RIMS2: variants seen among roughly 807,000 people sequenced by gnomAD.
RIMS2 encodes the protein regulating synaptic membrane exocytosis protein 2.
RIMS2 carries 59 observed loss-of-function variants against 174.4 expected under a neutral mutation model. The ratio of observed to expected loss-of-function variants is 0.34; its 90% CI spans 0.27 to 0.42. RIMS2 has a LOEUF of 0.42. RIMS2 is among the 10% of genes least tolerant of loss of function. The pLI, the probability that RIMS2 is intolerant of heterozygous loss-of-function variation, is 1.00. For missense variants in RIMS2, 1,620 were observed against 1,666.3 expected (o/e 0.97, Z 0.48); for synonymous variants, 606 against 572.5 (o/e 1.06, Z -0.84).
chr8:103,852,557 C>T (rs986466715), intron 3 of RIMS2, among the ~76,000 whole-genome samples: 1 of 151,682 alleles, frequency 6.6e-6, no homozygotes. Flanking sequence ...ACCTCGCTCT[C>T]TCCCTCCCGC....
chr8:104,126,596 T>C (rs1216379647), intron 19 of RIMS2, among the ~76,000 whole-genome samples: 2 of 152,114 alleles, frequency 1.3e-5, no homozygotes, highest in Non-Finnish European at 1.5e-5. Context: ...AACAGCAAAA[T>C]AGGAACAATT....
intron 19 of RIMS2, among the ~76,000 whole-genome samples, chr8:104,117,187 A>C (rs2098291903): frequency 6.6e-6 from 1 of 152,084 alleles, no homozygotes; most frequent in African/African-American, 2.4e-5. Flanking sequence ...CCATCTCAAA[A>C]TAAAACAAAA....
At chr8:103,652,134 T>C in intron 1 of RIMS2, 71 bp from the exon 2 acceptor site, 1 of 793,512 alleles carries the variant, frequency 1.3e-6, no homozygotes, top group East Asian at 5.6e-5. Flanking sequence ...CCATTTTATA[T>C]GAACACAAAT....
At chr8:103,558,901 T>C (rs898277508) in intron 1 of RIMS2, among the ~76,000 whole-genome samples, 2 of 152,146 alleles carry the variant, frequency 1.3e-5, no homozygotes, top group Admixed American at 6.6e-5. Flanking sequence ...CCTTCTCTGT[T>C]ACAAATTCTT....
At chr8:103,923,280 C>T (rs1040231037) in intron 10 of RIMS2, among the ~76,000 whole-genome samples, 2 of 151,016 alleles carry the variant, frequency 1.3e-5, no homozygotes, top group African/African-American at 2.4e-5. Flanking sequence ...TGTGTGCGTG[C>T]GTGTCTGTCT....
intron 1 of RIMS2, among the ~76,000 whole-genome samples, chr8:103,586,783 G>A (rs560573193): frequency 6.6e-6 from 1 of 151,884 alleles, no homozygotes; most frequent in African/African-American, 2.4e-5. Flanking sequence ...CAACACAAAA[G>A]ATCAGTGAAA....
chr8:103,738,925 T>C (rs903059530), intron 2 of RIMS2, among the ~76,000 whole-genome samples: 48 of 152,088 alleles, frequency 3.2e-4, no homozygotes, highest in Non-Finnish European at 1.5e-4. Flanking sequence ...TTTTACACTG[T>C]TGGTGGGACT....
chr8:103,735,910 A>G (rs760222066), intron 2 of RIMS2, among the ~76,000 whole-genome samples: 5 of 152,140 alleles, frequency 3.3e-5, no homozygotes, highest in Non-Finnish European at 7.4e-5. Context: ...TGAGTTTTAA[A>G]TACCCTGGCT....
chr8:104,177,195 T>C (rs1468428719), intron 19 of RIMS2, among the ~76,000 whole-genome samples: 2 of 152,160 alleles, frequency 1.3e-5, no homozygotes, highest in Non-Finnish European at 1.5e-5. Context: ...ATTTTGTGGA[T>C]GTGAAACTGA....
At chr8:103,989,461 T>C (rs367728479) in intron 17 of RIMS2, 40 bp downstream of exon 19, 37 of 1,029,420 alleles carry the variant, frequency 3.6e-5, no homozygotes, top group Admixed American at 8.0e-5. Context: ...ATTATTAATA[T>C]AATCACTGCT....
At chr8:103,684,328 AT>A (rs2096913642) in intron 1 of RIMS2, among the ~76,000 whole-genome samples, 1 of 152,192 alleles carries the variant, frequency 6.6e-6, no homozygotes, top group Admixed American at 6.6e-5. Context: ...AGCCAGTTCT[AT>A]CCCACTGCCT....
At chr8:104,053,839 A>T (rs1466772005) in intron 19 of RIMS2, among the ~76,000 whole-genome samples, 4 of 152,112 alleles carry the variant, frequency 2.6e-5, no homozygotes, top group African/African-American at 9.7e-5. Context: ...GGATATAGAA[A>T]CTTTAAAGCC....
chr8:104,115,505 G>T (rs1403131416), intron 19 of RIMS2, among the ~76,000 whole-genome samples: 7 of 152,062 alleles, frequency 4.6e-5, no homozygotes, highest in Non-Finnish European at 8.8e-5. Flanking sequence ...AAACTGACTA[G>T]AATTTTTATT....
exon 12 of RIMS2, chr8:103,931,335 A>G (rs758176403): frequency 1.2e-6 from 2 of 1,605,226 alleles, no homozygotes; most frequent in South Asian, 1.1e-5. Flanking sequence ...TCTCCCTTCC[A>G]GGGAAGATGG....
intron 3 of RIMS2, among the ~76,000 whole-genome samples, chr8:103,788,555 TGG>T (rs1280514003): frequency 6.6e-6 from 1 of 151,648 alleles, no homozygotes; most frequent in Non-Finnish European, 1.5e-5. Context: ...GTGCCCCTGC[TGG>T]GGGGTGCCTC....
In RIMS2 at chr8:104,220,467, C is replaced by T. The variant is rs117506420; in HGVS notation, c.3335-24449C>T. ...CATAACCACTGATTCCGTTCTCAGA[C>T]TCCCCATCCCCAGCAGTCACTTGCA... On this transcript the variant is annotated intron_variant, in intron 19 of 23. Transcript: ENST00000504942. 4.6e-5 allele frequency among the ~76,000 whole-genome samples: 7 copies of T among 152,304 alleles called. No individual in the cohort carries two copies. In the East Asian group the frequency reaches 1.4e-3, roughly 29 times the overall value.
intron 1 of RIMS2, among the ~76,000 whole-genome samples, chr8:103,613,395 C>G (rs1173139415): frequency 6.6e-6 from 1 of 152,170 alleles, no homozygotes; most frequent in East Asian, 1.9e-4. Flanking sequence ...CGCCCAAGGG[C>G]TCTTCCATAA....
chr8:103,585,860 C>T (rs1177524428), intron 1 of RIMS2, among the ~76,000 whole-genome samples: 1 of 151,044 alleles, frequency 6.6e-6, no homozygotes, highest in African/African-American at 2.4e-5. Flanking sequence ...CAAACCTGCA[C>T]TTTCTGCACA....
At position 104,238,460 on chromosome 8, in the gene RIMS2, TAAAATTAAAAAAAA is replaced by T. The variant is rs2099270383; in HGVS notation, c.3335-6451_3335-6438del. 2.0e-5 allele frequency among the ~76,000 whole-genome samples: 3 copies of T among 147,468 alleles called. No individual in the cohort carries two copies. In the South Asian group the frequency reaches 6.4e-4, roughly 32 times the overall value. ...TGCACATGTATCCCAGAACTTAAAGTAAAATTAAAAAAAAAAAAAATCTGCTGAGGGGAGAGAAG... is the reference window on the plus strand; with the variant it reads ...TGCACATGTATCCCAGAACTTAAAGTAAAAAATCTGCTGAGGGGAGAGAAG... On this transcript the variant is annotated intron_variant, in intron 19 of 23. Transcript: ENST00000504942.
Sources: gnomAD v4.1 joint callset for allele counts (sites outside exome capture counted in the v4.1 genomes callset) on GRCh38, gnomAD v4.1.1 for gene constraint, MANE v1.5 for transcripts, NCBI Gene and HGNC (gene_info 2026-07-23, HGNC 2026-07-21) for gene names.